The following STARD13 variants were observed in gnomAD, a reference collection of about 807,000 sequenced individuals.
The protein encoded by STARD13 is stAR-related lipid transfer protein 13.
STARD13 carries 62 observed loss-of-function variants against 106.4 expected under a neutral mutation model. The observed-to-expected ratio is 0.58, with a 90% CI of 0.48 to 0.72. STARD13 has a LOEUF of 0.72. STARD13 is among the 30% of genes least tolerant of loss of function. The probability of loss-of-function intolerance (pLI) is 0.00; values close to 1 mark genes in which losing one functional copy is unlikely to be tolerated. For synonymous variants in STARD13, 565 were observed against 553.0 expected, an observed-to-expected ratio of 1.02 and a Z score of -0.31; for missense variants, 1,387 against 1,424.0, an observed-to-expected ratio of 0.97 and a Z score of 0.42.
chr13:33,480,354 A>T, the STARD13 span, among the ~76,000 whole-genome samples: 2 of 152,198 alleles, frequency 1.3e-5, no homozygotes, highest in Non-Finnish European at 2.9e-5. Context: ...AAGTGAACAA[A>T]ATTAAGCTAA....
chr13:33,192,077 C>G (rs1174246550), intron 1 of STARD13, among the ~76,000 whole-genome samples: 1 of 152,104 alleles, frequency 6.6e-6, no homozygotes, highest in Non-Finnish European at 1.5e-5. Context: ...TTGGCAGTTC[C>G]CACAGCAATT....
the STARD13 span, among the ~76,000 whole-genome samples, chr13:33,673,365 G>A: frequency 6.6e-6 from 1 of 152,144 alleles, no homozygotes; most frequent in Non-Finnish European, 1.5e-5. Context: ...TGAGAGGGCA[G>A]GTGCATAAGA....
At chr13:33,194,803 G>A (rs1229337862) in intron 1 of STARD13, among the ~76,000 whole-genome samples, 4 of 152,116 alleles carry the variant, frequency 2.6e-5, no homozygotes, top group Non-Finnish European at 4.4e-5. Flanking sequence ...TTTTTGAAAG[G>A]AGATTATATA....
chr13:33,638,336 A>T, the STARD13 span, among the ~76,000 whole-genome samples: 1 of 152,240 alleles, frequency 6.6e-6, no homozygotes, highest in Admixed American at 6.5e-5. Context: ...GACATAAGAC[A>T]TAAGTGAGAC....
the STARD13 span, among the ~76,000 whole-genome samples, chr13:33,474,948 A>G: frequency 6.6e-6 from 1 of 152,246 alleles, no homozygotes; most frequent in Non-Finnish European, 1.5e-5. Context: ...ACTTGAAATG[A>G]TAACAAGTTT....
the STARD13 span, among the ~76,000 whole-genome samples, chr13:33,524,750 T>C: frequency 6.6e-6 from 1 of 152,072 alleles, no homozygotes; most frequent in African/African-American, 2.4e-5. Flanking sequence ...TTGTATATAT[T>C]TATGGTGTAC....
chr13:33,594,863 T>A, the STARD13 span, among the ~76,000 whole-genome samples: 64 of 152,342 alleles, frequency 4.2e-4, no homozygotes, highest in Middle Eastern at 3.4e-3. Flanking sequence ...TTAAGCTGAA[T>A]AATACTTGAC....
chr13:33,544,304 T>C, the STARD13 span, among the ~76,000 whole-genome samples: 8 of 152,298 alleles, frequency 5.3e-5, no homozygotes, highest in African/African-American at 1.9e-4. Context: ...GTGCTTACAT[T>C]ATAAAAAATG....
At chr13:33,595,201 T>C in the STARD13 span, among the ~76,000 whole-genome samples, 1 of 152,202 alleles carries the variant, frequency 6.6e-6, no homozygotes, top group South Asian at 2.1e-4. Flanking sequence ...TGCATGCTTA[T>C]TGGGGTTAAG....
At chr13:33,284,150 A>G (rs934861062) in intron 1 of STARD13, among the ~76,000 whole-genome samples, 5 of 152,202 alleles carry the variant, frequency 3.3e-5, no homozygotes, top group African/African-American at 7.2e-5. Context: ...TTTCTATTCA[A>G]TCAAGACCTG....
At chr13:33,229,462 T>G (rs181355527) in intron 1 of STARD13, among the ~76,000 whole-genome samples, 139 of 152,354 alleles carry the variant, frequency 9.1e-4, no homozygotes, top group Non-Finnish European at 2.8e-4. Context: ...AAGGACAAGA[T>G]GCCCTGTAAC....
chr13:33,480,901 T>C, the STARD13 span, among the ~76,000 whole-genome samples: 1 of 152,146 alleles, frequency 6.6e-6, no homozygotes, highest in Admixed American at 6.5e-5. Flanking sequence ...GGGAAGCTAT[T>C]AATAATTACT....
the STARD13 span, among the ~76,000 whole-genome samples, chr13:33,558,564 A>G: frequency 6.6e-6 from 1 of 152,294 alleles, no homozygotes; most frequent in Non-Finnish European, 1.5e-5. Flanking sequence ...GAAAGAAAGA[A>G]GGATACAGAA....
the STARD13 span, among the ~76,000 whole-genome samples, chr13:33,374,976 G>A: frequency 5.3e-5 from 8 of 152,150 alleles, no homozygotes; most frequent in Non-Finnish European, 1.0e-4. Flanking sequence ...CTCATGTCTT[G>A]AGAATCCATA....
chr13:33,413,393 G>A, the STARD13 span, among the ~76,000 whole-genome samples: 4 of 151,976 alleles, frequency 2.6e-5, no homozygotes, highest in Admixed American at 2.6e-4. Flanking sequence ...CAAGCAGAAA[G>A]AAAGAAATAA....
At chr13:33,558,949 A>G in the STARD13 span, among the ~76,000 whole-genome samples, 1 of 151,602 alleles carries the variant, frequency 6.6e-6, no homozygotes, top group Non-Finnish European at 1.5e-5. Flanking sequence ...ATTAGTACAT[A>G]TCCTGAGAAT....
At chr13:33,290,155 G>A (rs1440929102), upstream of STARD13, among the ~76,000 whole-genome samples, 1 of 152,124 alleles carries the variant, frequency 6.6e-6, no homozygotes, top group East Asian at 1.9e-4. Context: ...CAGAAGCCAG[G>A]AATGGCTCAC....
At chr13:33,243,977 T>C (rs537166589) in intron 1 of STARD13, among the ~76,000 whole-genome samples, 2 of 151,600 alleles carry the variant, frequency 1.3e-5, no homozygotes, top group East Asian at 3.9e-4. Flanking sequence ...ATCCCTTACC[T>C]GAAATGCTTG....
At chr13:33,610,563 G>T in the STARD13 span, among the ~76,000 whole-genome samples, 2 of 152,342 alleles carry the variant, frequency 1.3e-5, no homozygotes, top group Admixed American at 6.5e-5. Flanking sequence ...ACTTAGCCTA[G>T]CCTGGGTATC....
Sources: allele counts gnomAD v4.1 joint callset (sites outside exome capture counted in the v4.1 genomes callset), GRCh38; gene constraint gnomAD v4.1.1; transcripts MANE v1.5; gene names NCBI Gene and HGNC (gene_info 2026-07-23, HGNC 2026-07-21).